The following DLG5 variants were observed in gnomAD, a reference collection of about 807,000 sequenced individuals.
The protein encoded by DLG5 is discs large MAGUK scaffold protein 5, also known as disks large homolog 5.
Under a neutral mutation model 189.8 loss-of-function variants are expected in DLG5, and 48 were observed. The ratio of observed to expected loss-of-function variants is 0.25; its 90% CI spans 0.20 to 0.32. The LOEUF (loss-of-function observed/expected upper bound fraction) is 0.32, where lower values mean the gene tolerates loss of function less well. DLG5 is among the 10% of genes least tolerant of loss of function. DLG5 has a pLI of 1.00. For synonymous variants in DLG5, 1,016 were observed against 1,054.1 expected (o/e 0.96, Z 0.70); for missense variants, 2,160 against 2,544.7 (o/e 0.85, Z 3.25).
chr10:77,814,134 C>T (rs1378505130), intron 20 of DLG5, among the ~76,000 whole-genome samples: 3 of 151,928 alleles, frequency 2.0e-5, no homozygotes, highest in Admixed American at 6.6e-5. Flanking sequence ...TACACCATCA[C>T]GCCCAGCTAA....
chr10:77,811,063 A>G (rs1841742184), intron 23 of DLG5, 31 bp downstream of exon 23: 5 of 1,604,234 alleles, frequency 3.1e-6, no homozygotes, highest in South Asian at 1.1e-5. Context: ...CGAAGCGGAC[A>G]CAGGGAAGGC....
chr10:77,802,273 C>A (rs1325192850), intron 27 of DLG5, among the ~76,000 whole-genome samples: 1 of 152,178 alleles, frequency 6.6e-6, no homozygotes, highest in African/African-American at 2.4e-5. Flanking sequence ...CAAAGAGAGC[C>A]AGGGACCAGG....
rs770497098 is a variant in DLG5 at position 77,794,105 on chromosome 10, G to A, written c.5559C>T (p.Asp1853=). The stretch of plus-strand genomic sequence containing the variant: ...TCACCTTGTCCCTCAGGTAGATGGG[G>A]TCTCTCTGCTCCCTGTGGGGACAGC... The part of the protein sequence containing the change: ...KSAKHIKEQR[D]PIYLRDKVTQ... The change falls in exon 31 of 32, where the codon GAC becomes GAT. Residue 1853 remains aspartate, a synonymous_variant. Transcript: ENST00000372391. 1.2e-6 allele frequency: 2 copies of A among 1,613,972 alleles called. No homozygotes were observed. The highest frequency in any genetic ancestry group is 2.2e-5 in the South Asian group (2 of 91,094).
At chr10:77,830,679 G>T in intron 10 of DLG5, 62 bp downstream of exon 10, 1 of 1,590,442 alleles carries the variant, frequency 6.3e-7, no homozygotes, top group South Asian at 1.1e-5. Context: ...TACTGCAAGC[G>T]GGTCACCGTC....
At chr10:77,830,037 C>T (rs1245777228) in intron 11 of DLG5, among the ~76,000 whole-genome samples, 180 bp downstream of exon 11, 1 of 152,212 alleles carries the variant, frequency 6.6e-6, no homozygotes, top group African/African-American at 2.4e-5. Context: ...TCAGAGGCAA[C>T]TGAGAAGCAC....
chr10:77,849,378 T>G (rs759315595), intron 5 of DLG5, among the ~76,000 whole-genome samples: 5 of 152,246 alleles, frequency 3.3e-5, no homozygotes, highest in Non-Finnish European at 7.4e-5. Context: ...CCCCGCTTCC[T>G]CTGCTGCTGG....
chr10:77,848,942 C>G (rs1247679621), intron 5 of DLG5, among the ~76,000 whole-genome samples: 3 of 152,040 alleles, frequency 2.0e-5, no homozygotes, highest in Non-Finnish European at 4.4e-5. Flanking sequence ...AAAAAAGATG[C>G]AAAAACACCC....
At chr10:77,819,240 C>A in intron 17 of DLG5, 81 bp downstream of exon 17, 1 of 1,600,470 alleles carries the variant, frequency 6.2e-7, no homozygotes, top group Non-Finnish European at 8.5e-7. Context: ...CACCAATGAG[C>A]CTCTTTATGC....
Position 77,796,617 on chromosome 10 carries a change from G to A in DLG5, c.5165-23C>T, listed in dbSNP as rs201508022. ...AATCTGAGGGAGAGAGAGCAGCAGCGTCACGGACCCAGCTTGGAGTGGAGG... is the reference window on the plus strand; with the variant it reads ...AATCTGAGGGAGAGAGAGCAGCAGCATCACGGACCCAGCTTGGAGTGGAGG... On this transcript the variant is annotated intron_variant, in intron 27 of 31. Transcript: ENST00000372391. This position sits in a 1 kb window ranked among gnomAD's most constrained non-coding sequence, Gnocchi z 5.2. 1.7e-4 allele frequency: 276 copies of A among 1,613,076 alleles called. No homozygotes were observed. In the African/African-American group the frequency reaches 3.0e-3, roughly 17 times the overall value.
At chr10:77,887,676 T>A (rs1205902788) in intron 1 of DLG5, among the ~76,000 whole-genome samples, 1 of 152,164 alleles carries the variant, frequency 6.6e-6, no homozygotes, top group Non-Finnish European at 1.5e-5. Flanking sequence ...CCCTTGCCAA[T>A]GTCCCATCAG....
At chr10:77,860,068 T>C (rs962114137) in intron 2 of DLG5, among the ~76,000 whole-genome samples, 1 of 152,228 alleles carries the variant, frequency 6.6e-6, no homozygotes, top group Non-Finnish European at 1.5e-5. Context: ...GGGGAGGTTA[T>C]GTTCCAGGCA....
At chr10:77,901,709 C>G (rs1845932470) in intron 1 of DLG5, among the ~76,000 whole-genome samples, 2 of 152,216 alleles carry the variant, frequency 1.3e-5, no homozygotes, top group African/African-American at 4.8e-5. Context: ...AAAGCAGCTC[C>G]TCTTTGCTGA....
chr10:77,855,189 A>G (rs78914981), intron 3 of DLG5, among the ~76,000 whole-genome samples: 1,818 of 152,320 alleles, frequency 0.012, 31 homozygotes, highest in African/African-American at 0.041. Flanking sequence ...TCCAATGTGC[A>G]ACCAAGGTTA....
chr10:77,853,534 T>G lies in DLG5; in HGVS notation c.684A>C (p.Thr228=), dbSNP rs765963114. The change falls in exon 5 of 32, where the codon ACA becomes ACC. Residue 228 remains threonine (T), a synonymous_variant. Transcript: ENST00000372391. ...GGTCACTCAGGAGCCGGCTGTGGAG[T>G]GTGCTGAAACACCCGGTACATGCTC... ...EVAKETDFYH[T]LHSRLLSDQT... 6.9e-6 allele frequency: 11 copies of G among 1,595,484 alleles called. No homozygotes were observed. Among genetic ancestry groups the G allele is most frequent in the Non-Finnish European group, 9.4e-6 (11 of 1,170,200 alleles).
the DLG5 span, among the ~76,000 whole-genome samples, chr10:77,936,161 T>C: frequency 6.6e-6 from 1 of 152,134 alleles, no homozygotes; most frequent in Non-Finnish European, 1.5e-5. Flanking sequence ...AGAATCTGGC[T>C]GGGCATGGTG....
At chr10:77,886,449 C>T (rs986745161) in intron 1 of DLG5, among the ~76,000 whole-genome samples, 12 of 151,834 alleles carry the variant, frequency 7.9e-5, no homozygotes, top group African/African-American at 2.9e-4. Flanking sequence ...TCACTGCAAC[C>T]TCCACCTCCC....
chr10:77,811,204 G>A lies in DLG5; in HGVS notation c.4353C>T (p.Ser1451=). The A allele has an allele frequency of 1.2e-6, 2 of 1,613,374 alleles. No individual in the cohort carries two copies. The highest frequency in any genetic ancestry group is 1.7e-6 in the Non-Finnish European group (2 of 1,179,944). ...TGGTGGTGCCACTGCCCTGGAGAGT[G>A]GAGTGGGTACCGGCAGGGTCCAGGT... The part of the protein sequence containing the change: ...SSHLDPAGTH[S]TLQGSGTTTP... The change falls in exon 23 of 32, where the codon TCC becomes TCT. Residue 1451 remains serine, a synonymous_variant. Coordinates refer to ENST00000372391, the MANE Select transcript of DLG5 (RefSeq NM_004747.4).
intron 17 of DLG5, 65 bp from the exon 18 acceptor site, chr10:77,817,954 G>A: frequency 7.6e-7 from 1 of 1,318,288 alleles, no homozygotes; most frequent in Non-Finnish European, 1.1e-6. Flanking sequence ...CCACTGGGGA[G>A]AAACACACAG....
At position 77,841,448 on chromosome 10, in the gene DLG5, G is replaced by A. The variant is rs553454895; in HGVS notation, c.1437+433C>T. On this transcript the variant is annotated intron_variant, in intron 7 of 31. Coordinates refer to ENST00000372391, the MANE Select transcript of DLG5 (RefSeq NM_004747.4). Reference sequence around the variant, plus strand: ...AGAGCAGACTCGTGAGATGCACACTGCTGGTGAAAAAGGGCCCCTGAGGGT... The same window carrying A: ...AGAGCAGACTCGTGAGATGCACACTACTGGTGAAAAAGGGCCCCTGAGGGT... 5.3e-5 allele frequency among the ~76,000 whole-genome samples: 8 copies of A among 152,356 alleles called. 1 individual carries two copies. Among genetic ancestry groups the A allele is most frequent in the African/African-American group, 9.6e-5 (4 of 41,578 alleles).
Sources: gnomAD v4.1 joint callset for allele counts (sites outside exome capture counted in the v4.1 genomes callset) on GRCh38, gnomAD v4.1.1 for gene constraint, Gnocchi (gnomAD v3.1) non-coding constraint, MANE v1.5 for transcripts, NCBI Gene and HGNC (gene_info 2026-07-23, HGNC 2026-07-21) for gene names.